RALYL: variants seen among roughly 807,000 people sequenced by gnomAD.
RALYL encodes RALY RNA binding protein like.
In RALYL, 29 loss-of-function variants were observed where a neutral mutation model predicts 35.1. That is an observed-to-expected ratio of 0.83 (90% CI 0.61 to 1.13). The LOEUF (loss-of-function observed/expected upper bound fraction) is 1.13, where lower values mean the gene tolerates loss of function less well. Ranked by LOEUF, RALYL falls within the 50% of genes most tolerant of loss-of-function variation. The pLI is 0.00. For missense variants in RALYL, 359 were observed against 360.4 expected, an observed-to-expected ratio of 1.00 and a Z score of 0.03; for synonymous variants, 120 against 127.6, an observed-to-expected ratio of 0.94 and a Z score of 0.40.
chr8:84,692,602 A>G (rs1331959973), intron 2 of RALYL, among the ~76,000 whole-genome samples: 1 of 152,078 alleles, frequency 6.6e-6, no homozygotes, highest in Non-Finnish European at 1.5e-5. Context: ...TAATCTGTAG[A>G]TTTAGTGAAA....
chr8:84,403,043 G>T (rs1173448386), intron 1 of RALYL, among the ~76,000 whole-genome samples: 1 of 151,838 alleles, frequency 6.6e-6, no homozygotes, highest in East Asian at 1.9e-4. Context: ...TTAAGTTCCT[G>T]GTAGATTCTG....
chr8:84,189,657 CT>C (rs1331970781), intron 1 of RALYL, among the ~76,000 whole-genome samples: 1 of 149,202 alleles, frequency 6.7e-6, no homozygotes, highest in Admixed American at 6.7e-5. Context: ...TGTAGGAAGT[CT>C]TAACTGACGA....
At chr8:84,215,558 G>A (rs532080618) in intron 1 of RALYL, among the ~76,000 whole-genome samples, 2 of 149,632 alleles carry the variant, frequency 1.3e-5, no homozygotes, top group Non-Finnish European at 3.0e-5. Flanking sequence ...TTAATCCCAG[G>A]CCATATTTTT....
chr8:84,623,675 A>G (rs1822082889), intron 2 of RALYL, among the ~76,000 whole-genome samples: 1 of 152,180 alleles, frequency 6.6e-6, no homozygotes. Flanking sequence ...TTTTCTCTAA[A>G]TAGGAGCAGG....
At chr8:84,740,950 G>T (rs1001044036) in intron 2 of RALYL, among the ~76,000 whole-genome samples, 1 of 151,996 alleles carries the variant, frequency 6.6e-6, no homozygotes, top group African/African-American at 2.4e-5. Flanking sequence ...ACGCACTTTT[G>T]TATATTAGGT....
intron 2 of RALYL, among the ~76,000 whole-genome samples, chr8:84,676,171 T>C (rs947862141): frequency 2.2e-4 from 34 of 152,332 alleles, no homozygotes; most frequent in African/African-American, 7.7e-4. Flanking sequence ...CATGAAAGAA[T>C]ATTTTCTCTT....
intron 1 of RALYL, among the ~76,000 whole-genome samples, chr8:84,346,376 A>T (rs1432576459): frequency 1.3e-5 from 2 of 152,140 alleles, no homozygotes; most frequent in Non-Finnish European, 2.9e-5. Context: ...TCATTGGAGT[A>T]TGTTTGTATT....
At chr8:84,502,858 G>A (rs2056823395) in intron 1 of RALYL, among the ~76,000 whole-genome samples, 1 of 150,940 alleles carries the variant, frequency 6.6e-6, no homozygotes, top group Non-Finnish European at 1.5e-5. Flanking sequence ...GTATTGAAAT[G>A]CCCTTTTACT....
chr8:84,886,013 C>G (rs913659751), intron 7 of RALYL, among the ~76,000 whole-genome samples: 2 of 152,008 alleles, frequency 1.3e-5, no homozygotes, highest in Admixed American at 6.6e-5. Flanking sequence ...AACAAATGGC[C>G]AAAACTTAGA....
chr8:84,724,070 TGA>T (rs1280510381), intron 2 of RALYL, among the ~76,000 whole-genome samples: 1 of 151,826 alleles, frequency 6.6e-6, no homozygotes, highest in Non-Finnish European at 1.5e-5. Context: ...GTAATATTGT[TGA>T]GTCTGTTTTT....
intron 2 of RALYL, among the ~76,000 whole-genome samples, chr8:84,755,186 T>C (rs1009036681): frequency 6.6e-6 from 1 of 152,118 alleles, no homozygotes; most frequent in African/African-American, 2.4e-5. Flanking sequence ...AGTGGATAGA[T>C]GAGAAAATAA....
At chr8:84,283,384 A>G (rs895084251) in intron 1 of RALYL, among the ~76,000 whole-genome samples, 1 of 152,108 alleles carries the variant, frequency 6.6e-6, no homozygotes, top group Non-Finnish European at 1.5e-5. Flanking sequence ...AAGAGCCATC[A>G]AAGGAAAAAA....
At chr8:84,785,251 C>T (rs1193425478) in intron 3 of RALYL, among the ~76,000 whole-genome samples, 1 of 152,106 alleles carries the variant, frequency 6.6e-6, no homozygotes, top group East Asian at 1.9e-4. Flanking sequence ...CTCCTCTTCC[C>T]ACTCAGTCCT....
chr8:84,526,452 A>G (rs757071459), intron 1 of RALYL, among the ~76,000 whole-genome samples: 4 of 152,144 alleles, frequency 2.6e-5, no homozygotes, highest in Admixed American at 6.6e-5. Flanking sequence ...CAGGTAGTCA[A>G]TTTGGACTCT....
intron 2 of RALYL, among the ~76,000 whole-genome samples, chr8:84,609,937 G>A (rs1036697611): frequency 2.0e-5 from 3 of 152,000 alleles, no homozygotes; most frequent in African/African-American, 7.2e-5. Flanking sequence ...GTATGCAGGG[G>A]AACTCCTCTT....
chr8:84,350,719 T>TA (rs1366781017), intron 1 of RALYL, among the ~76,000 whole-genome samples: 1 of 150,020 alleles, frequency 6.7e-6, no homozygotes, highest in Non-Finnish European at 1.5e-5. Context: ...AAAACACAAA[T>TA]AAAACTGTCC....
At chr8:84,634,109 G>A (rs1454805901) in intron 2 of RALYL, among the ~76,000 whole-genome samples, 3 of 151,786 alleles carry the variant, frequency 2.0e-5, no homozygotes, top group Non-Finnish European at 4.4e-5. Context: ...CTTTTATATT[G>A]TTAGATTAGA....
Position 84,472,484 on chromosome 8 carries a change from A to C in RALYL, c.-23-56815A>C, listed in dbSNP as rs551454583. Among the ~76,000 whole-genome samples the C allele has an allele frequency of 8.5e-5, 13 of 152,334 alleles. 1 individual carries two copies. The South Asian group carries it at 2.7e-3, about 32-fold the overall frequency. ...AAAATTCTAGAGAAAAAGAACTATGAAATCTCAGAGGTCAAGAAATGTACC... is the reference window on the plus strand; with the variant it reads ...AAAATTCTAGAGAAAAAGAACTATGCAATCTCAGAGGTCAAGAAATGTACC... On this transcript the variant is annotated intron_variant, in intron 1 of 8. Transcript: ENST00000521268.
intron 1 of RALYL, among the ~76,000 whole-genome samples, chr8:84,476,906 T>C (rs2053485885): frequency 6.6e-6 from 1 of 152,166 alleles, no homozygotes; most frequent in African/African-American, 2.4e-5. Flanking sequence ...TATACATTCA[T>C]AGCAAAACAG....
Sources: gnomAD v4.1 joint callset for allele counts (sites outside exome capture counted in the v4.1 genomes callset) on GRCh38, gnomAD v4.1.1 for gene constraint, MANE v1.5 for transcripts, NCBI Gene and HGNC (gene_info 2026-07-23, HGNC 2026-07-21) for gene names.